Variants in SERGEF observed in about 807,000 individuals in gnomAD.
SERGEF encodes secretion regulating guanine nucleotide exchange factor.
SERGEF carries 51 observed loss-of-function variants against 50.0 expected under a neutral mutation model. The observed-to-expected ratio is 1.02, with a 90% CI of 0.81 to 1.29. The LOEUF (loss-of-function observed/expected upper bound fraction) is 1.29, where lower values mean the gene tolerates loss of function less well. SERGEF is among the 50% of genes most tolerant of loss of function. SERGEF has a pLI of 0.00. For synonymous variants in SERGEF, 205 were observed against 212.4 expected (o/e 0.97, Z 0.30); for missense variants, 521 against 557.0 (o/e 0.94, Z 0.65).
At chr11:17,901,620 C>T (rs1045875267) in intron 9 of SERGEF, among the ~76,000 whole-genome samples, 5 of 152,200 alleles carry the variant, frequency 3.3e-5, no homozygotes, top group Non-Finnish European at 7.3e-5. Flanking sequence ...CTGATCTCTG[C>T]CTGTCAGCTC....
chr11:17,906,991 G>A (rs1009742472), intron 9 of SERGEF, among the ~76,000 whole-genome samples: 10 of 152,112 alleles, frequency 6.6e-5, no homozygotes, highest in Admixed American at 2.0e-4. Context: ...ACTGTGCTGG[G>A]AAGAGCACTA....
intron 9 of SERGEF, among the ~76,000 whole-genome samples, chr11:17,925,195 CACGAAAGAG>C (rs1285768354): frequency 1.3e-5 from 2 of 150,344 alleles, no homozygotes; most frequent in African/African-American, 2.5e-5. Flanking sequence ...CACTGGGCAC[CACGAAAGAG>C]ATACAGTAAC....
intron 10 of SERGEF, among the ~76,000 whole-genome samples, chr11:17,844,007 G>C (rs1850555044): frequency 1.3e-5 from 2 of 152,104 alleles, no homozygotes; most frequent in Non-Finnish European, 2.9e-5. Context: ...TATTGATCTG[G>C]AAGTGGGCCC....
rs1318521971 is a variant in SERGEF, at chr11:17,999,682, C to T, written c.508+815G>A. The T allele has an allele frequency of 8.2e-5, 33 of 404,278 alleles. No homozygotes were observed. The Admixed American group carries it at 9.5e-4, about 12-fold the overall frequency. The allele number at this position is 404,278 out of a possible 1,614,324, so 25.0% of individuals were successfully genotyped here. On this transcript the variant is annotated intron_variant, in intron 5 of 10. Coordinates refer to ENST00000265965, the MANE Select transcript of SERGEF (RefSeq NM_012139.4). ...TCCCCCTCACACACAGACTGTCAGT[C>T]CCATCACCCACTCACAGTACAGGAG...
chr11:17,829,722 TAG>T (rs1850260589), intron 10 of SERGEF, among the ~76,000 whole-genome samples: 1 of 152,126 alleles, frequency 6.6e-6, no homozygotes, highest in Admixed American at 6.5e-5. Flanking sequence ...AAATCCCTAA[TAG>T]AGCTTAAAAC....
At chr11:17,925,717 C>A (rs1029352201) in intron 9 of SERGEF, among the ~76,000 whole-genome samples, 1 of 152,098 alleles carries the variant, frequency 6.6e-6, no homozygotes, top group South Asian at 2.1e-4. Context: ...ATTAAAAAAA[C>A]CATATCTGTT....
At chr11:17,998,528 A>G (rs192005232) in intron 5 of SERGEF, among the ~76,000 whole-genome samples, 36 of 126,154 alleles carry the variant, frequency 2.9e-4, no homozygotes, top group Middle Eastern at 4.0e-3. Context: ...ATATGTTTAT[A>G]TGTGTGTGTG....
intron 9 of SERGEF, among the ~76,000 whole-genome samples, chr11:17,943,615 C>T (rs538334774): frequency 1.5e-3 from 233 of 151,798 alleles, no homozygotes; most frequent in African/African-American, 5.4e-3. Flanking sequence ...TTTATTTTTA[C>T]TCTTTTTCCA....
intron 9 of SERGEF, among the ~76,000 whole-genome samples, chr11:17,934,198 C>A (rs1024317585): frequency 1.3e-5 from 2 of 152,034 alleles, no homozygotes; most frequent in Admixed American, 1.3e-4. Flanking sequence ...GGTCTAGGGA[C>A]AATTTACTCT....
intron 8 of SERGEF, among the ~76,000 whole-genome samples, chr11:17,969,362 T>TA (rs1853196896): frequency 6.6e-6 from 1 of 152,180 alleles, no homozygotes; most frequent in Non-Finnish European, 1.5e-5. Flanking sequence ...TTCTTATTAA[T>TA]AACATTTTAA....
chr11:17,813,936 G>A (rs4756921), intron 10 of SERGEF, among the ~76,000 whole-genome samples: 130,643 of 152,292 alleles, frequency 0.86, 56,173 homozygotes, highest in East Asian at 1. Context: ...CTCAGCAGAA[G>A]CAGATCTGAG....
intron 9 of SERGEF, among the ~76,000 whole-genome samples, chr11:17,951,212 T>C (rs534350395): frequency 1.3e-5 from 2 of 152,224 alleles, no homozygotes; most frequent in Admixed American, 6.5e-5. Flanking sequence ...AAGCAGCTCA[T>C]ATGTCATGAA....
intron 2 of SERGEF, among the ~76,000 whole-genome samples, chr11:18,007,655 C>A (rs985552148): frequency 6.6e-6 from 1 of 152,108 alleles, no homozygotes; most frequent in Non-Finnish European, 1.5e-5. Context: ...TGTAACTCTG[C>A]CACTACTTTG....
rs1031973482 is a variant in SERGEF at position 17,863,297 on chromosome 11, A to G, written c.1048+14911T>C. On this transcript the variant is annotated intron_variant, in intron 10 of 10. Coordinates refer to ENST00000265965, the MANE Select transcript of SERGEF (RefSeq NM_012139.4). ...TAACGAAAAAAAAGTTTTATCTGCT[A>G]TAATTGTCAACTTCTGAAGAATCTT... is the stretch of plus-strand genomic sequence containing the variant. Among the ~76,000 whole-genome samples the G allele has an allele frequency of 6.6e-5, 10 of 152,254 alleles. No individual in the cohort carries two copies. The East Asian group carries it at 1.7e-3, about 26-fold the overall frequency.
At chr11:17,978,095 T>C (rs192859996) in intron 8 of SERGEF, among the ~76,000 whole-genome samples, 3 of 152,272 alleles carry the variant, frequency 2.0e-5, no homozygotes, top group African/African-American at 4.8e-5. Context: ...TGGTACTTTA[T>C]ACAAGCCACT....
intron 10 of SERGEF, among the ~76,000 whole-genome samples, chr11:17,796,918 A>G (rs939014633): frequency 1.3e-5 from 2 of 152,204 alleles, no homozygotes; most frequent in African/African-American, 4.8e-5. Flanking sequence ...CTTCACACCA[A>G]GATCCACAGC....
At chr11:17,799,871 A>G (rs572183425) in intron 10 of SERGEF, among the ~76,000 whole-genome samples, 1 of 152,324 alleles carries the variant, frequency 6.6e-6, no homozygotes, top group South Asian at 2.1e-4. Flanking sequence ...GTACACATCA[A>G]CTAGGCTCCC....
At chr11:17,800,273 C>A (rs1253762672) in intron 10 of SERGEF, among the ~76,000 whole-genome samples, 1 of 152,166 alleles carries the variant, frequency 6.6e-6, no homozygotes, top group Non-Finnish European at 1.5e-5. Flanking sequence ...GCCTTCCCCA[C>A]CAACATCCCG....
chr11:17,905,905 T>C (rs1851832027), intron 9 of SERGEF, among the ~76,000 whole-genome samples: 1 of 152,178 alleles, frequency 6.6e-6, no homozygotes, highest in Non-Finnish European at 1.5e-5. Flanking sequence ...AATTCTGAAA[T>C]AGATTCCAAC....
Sources: gnomAD v4.1 joint callset for allele counts (sites outside exome capture counted in the v4.1 genomes callset) on GRCh38, gnomAD v4.1.1 for gene constraint, MANE v1.5 for transcripts, NCBI Gene and HGNC (gene_info 2026-07-23, HGNC 2026-07-21) for gene names.